EHD2: variants seen among roughly 807,000 people sequenced by gnomAD.
The protein encoded by EHD2 is EH domain-containing protein 2.
In EHD2, 27 loss-of-function variants were observed where a neutral mutation model predicts 41.0. The ratio of observed to expected loss-of-function variants is 0.66; its 90% CI spans 0.49 to 0.91. The LOEUF (loss-of-function observed/expected upper bound fraction) is 0.91, where lower values mean the gene tolerates loss of function less well. Ranked by LOEUF, EHD2 falls within the 40% of genes least tolerant of loss-of-function variation. The pLI, the probability that EHD2 is intolerant of heterozygous loss-of-function variation, is 0.00. For synonymous variants in EHD2, 342 were observed against 341.0 expected, an observed-to-expected ratio of 1.00 and a Z score of -0.03; for missense variants, 673 against 773.9, an observed-to-expected ratio of 0.87 and a Z score of 1.55.
At chr19:47,730,293 C>T (rs1973795111) in intron 4 of EHD2, among the ~76,000 whole-genome samples, 1 of 152,016 alleles carries the variant, frequency 6.6e-6, no homozygotes, top group Non-Finnish European at 1.5e-5. Context: ...TGCCCCCTGG[C>T]TCCATTGGCC....
rs190437310 is a variant in EHD2 at position 47,740,469 on chromosome 19, G to C, written c.1081-412G>C. On this transcript the variant is annotated intron_variant, in intron 5 of 5. Transcript: ENST00000263277. The stretch of plus-strand genomic sequence containing the variant: ...AACAAAACAAAACAAAACAAAAATG[G>C]CTGGGCGCGGTGGCTCATGCCTGTA... Among the ~76,000 whole-genome samples the C allele has an allele frequency of 1.8e-4, 28 of 152,182 alleles. No homozygotes were observed. In the East Asian group the frequency reaches 4.3e-3, roughly 23 times the overall value.
rs1432393876 is a variant in EHD2, at chr19:47,726,148, G to T, written c.839G>T (p.Arg280Leu). The T allele has an allele frequency of 6.3e-7, 1 of 1,583,184 alleles. No homozygotes were observed. Among genetic ancestry groups the T allele is most frequent in the Non-Finnish European group, 8.6e-7 (1 of 1,165,890 alleles). ...GAGCTGGAGGAGCAGGACCTCTTCCGCGACATCCAGGGCCTGCCCCGGCAC... is the reference window on the plus strand; with the variant it reads ...GAGCTGGAGGAGCAGGACCTCTTCCTCGACATCCAGGGCCTGCCCCGGCAC... The part of the protein sequence containing the change: ...LFELEEQDLF[R>L]DIQGLPRHAA... Residue 280 changes from arginine to leucine, a missense_variant, in exon 4 of 6, where the codon CGC becomes CTC. Arg to Leu is a moderately radical substitution (Grantham distance 102). Transcript: ENST00000263277.
At position 47,716,752 on chromosome 19, in the gene EHD2, C is replaced by T. The variant is rs763612750; in HGVS notation, c.140C>T (p.Ser47Leu). 8 of 1,613,326 alleles carry T rather than the reference C, an allele frequency of 5.0e-6. No individual in the cohort carries two copies. The highest frequency in any genetic ancestry group is 2.2e-5 in the South Asian group (2 of 91,034). The stretch of plus-strand genomic sequence containing the variant: ...CACTACCGCTTTGGGGCCTTCCACT[C>T]GCCGGCCCTGGAGGACGCAGACTTC... The part of the protein sequence containing the change: ...EEHYRFGAFH[S>L]PALEDADFDG... The change falls in exon 2 of 6, where the codon TCG (serine) becomes TTG (leucine). Residue 47 changes from serine (S) to leucine (L), a missense_variant. Coordinates refer to ENST00000263277, the MANE Select transcript of EHD2 (RefSeq NM_014601.4).
chr19:47,716,489 C>G (rs1973625838), intron 1 of EHD2, 69 bp from the exon 2 acceptor site: 2 of 1,128,580 alleles, frequency 1.8e-6, no homozygotes, highest in Non-Finnish European at 2.4e-6. Flanking sequence ...CCCAGACAGT[C>G]TACACTCAGA....
chr19:47,729,941 T>A (rs1049128657), intron 4 of EHD2, among the ~76,000 whole-genome samples: 1 of 151,986 alleles, frequency 6.6e-6, no homozygotes, highest in Non-Finnish European at 1.5e-5. Context: ...TGCCTCCTCC[T>A]GTCTCTCCAT....
intron 4 of EHD2, chr19:47,731,279 A>AAAAATATATATATATGTATATATATATAT: frequency 1.6e-5 from 1 of 60,928 alleles, no homozygotes; most frequent in Non-Finnish European, 3.7e-5. Context: ...AAAAAAAAAA[A>AAAAATATATATATATGTATATATATATAT]ATATATATAT....
In EHD2 at chr19:47,741,318, C is replaced by T. The variant is rs111452024; in HGVS notation, c.1518C>T (p.Phe506=). 72 of 1,613,282 alleles carry T rather than the reference C, an allele frequency of 4.5e-5. No homozygotes were observed. The highest frequency in any genetic ancestry group is 6.7e-5 in the Admixed American group (4 of 59,992). ...ACGGCATGCTGGATGATGAGGAGTT[C>T]GCGCTGGCCAGCCACCTCATCGAGG... ...DRDGMLDDEE[F]ALASHLIEAK... Residue 506 remains phenylalanine (F), a synonymous_variant, in exon 6 of 6, where the codon TTC becomes TTT. Coordinates refer to ENST00000263277, the MANE Select transcript of EHD2 (RefSeq NM_014601.4). This position sits in a 1 kb window ranked among gnomAD's most constrained non-coding sequence, Gnocchi z 4.5.
At chr19:47,733,557 C>T (rs1021139040) in intron 4 of EHD2, among the ~76,000 whole-genome samples, 8 of 151,078 alleles carry the variant, frequency 5.3e-5, no homozygotes, top group Non-Finnish European at 1.2e-4. Context: ...GTCCCAGCTA[C>T]TTGGGAGGCT....
intron 4 of EHD2, among the ~76,000 whole-genome samples, chr19:47,734,775 G>A (rs1358362424): frequency 2.0e-5 from 3 of 151,726 alleles, no homozygotes; most frequent in East Asian, 3.9e-4. Context: ...TTCTAGAGCC[G>A]GACGGGGTGG....
At position 47,716,672 on chromosome 19, in the gene EHD2, G is replaced by A. The variant is rs61746407; in HGVS notation, c.60G>A (p.Thr20=). Residue 20 remains threonine (T), a synonymous_variant, in exon 2 of 6, where the codon ACG becomes ACA. Coordinates refer to ENST00000263277, the MANE Select transcript of EHD2 (RefSeq NM_014601.4). Reference sequence around the variant, plus strand: ...GCCAGCAGCCCGAGGCCATCCGCACGGTGACCTCGGCCCTCAAGGAGCTGT... The same window carrying A: ...GCCAGCAGCCCGAGGCCATCCGCACAGTGACCTCGGCCCTCAAGGAGCTGT... ...ARGQQPEAIR[T]VTSALKELYR... The A allele has an allele frequency of 0.038, 60,292 of 1,601,146 alleles. 1,329 individuals are homozygous for A. The highest frequency in any genetic ancestry group is 0.044 in the Non-Finnish European group (51,927 of 1,173,626).
In EHD2 at chr19:47,742,135, C is replaced by T. The variant is rs1966997291; in HGVS notation, c.*703C>T. ...CCCACACCCATTTATTTCCTTCCTTCCTTCCTTCTTTTCTTTCCTTCCTTC... is the reference window on the plus strand; with the variant it reads ...CCCACACCCATTTATTTCCTTCCTTTCTTCCTTCTTTTCTTTCCTTCCTTC... On this transcript the variant is annotated 3_prime_UTR_variant, in exon 6 of 6. Coordinates refer to ENST00000263277, the MANE Select transcript of EHD2 (RefSeq NM_014601.4). 9.2e-6 allele frequency: 3 copies of T among 327,652 alleles called. No homozygotes were observed. The highest frequency in any genetic ancestry group is 2.7e-5 in the African/African-American group (1 of 36,576). 20.3% of individuals were successfully genotyped at this position (327,652 alleles called of 1,614,324 possible). A position where few individuals can be genotyped will look rare whatever the true frequency, so the allele number is the denominator to read the frequency against.
chr19:47,725,771 T>C (rs2123645324), intron 3 of EHD2, 41 bp from the exon 4 acceptor site: 1 of 1,545,644 alleles, frequency 6.5e-7, no homozygotes. Flanking sequence ...GGGGGTCTGA[T>C]TTCTGCCCCT....
chr19:47,722,396 A>G (rs977860677), intron 3 of EHD2, among the ~76,000 whole-genome samples: 1 of 152,082 alleles, frequency 6.6e-6, no homozygotes, highest in Non-Finnish European at 1.5e-5. Flanking sequence ...TCCTCCCCCA[A>G]AACAACGGCC....
Position 47,718,604 on chromosome 19 carries a change from G to C in EHD2, c.500G>C (p.Arg167Pro), listed in dbSNP as rs1169741236. The C allele has an allele frequency of 1.3e-6, 2 of 1,560,610 alleles. No homozygotes were observed. The highest frequency in any genetic ancestry group is 1.7e-6 in the Non-Finnish European group (2 of 1,151,672). ...TCGGGTGCCAAGCAGAGAGTGAGCC[G>C]CGGTGAGTGGGGCCAGACCCTGGGG... ...ILSGAKQRVS[R>P]GYDFPAVLRW... Residue 167 changes from arginine (R) to proline (P), a missense_variant and splice_region_variant, in exon 3 of 6, where the codon CGC becomes CCC. Arg to Pro is a moderately radical substitution (Grantham distance 103). Coordinates refer to ENST00000263277, the MANE Select transcript of EHD2 (RefSeq NM_014601.4).
rs1348219884 is a variant in EHD2, at chr19:47,726,319, GGTTA to G, written c.915+103_915+106del. 2.9e-6 allele frequency: 4 copies of G among 1,391,528 alleles called. No individual in the cohort carries two copies. In the African/African-American group the frequency reaches 4.4e-5, roughly 15 times the overall value. 86.2% of individuals were successfully genotyped at this position (1,391,528 alleles called of 1,614,324 possible). On this transcript the variant is annotated intron_variant, in intron 4 of 5. Coordinates refer to ENST00000263277, the MANE Select transcript of EHD2 (RefSeq NM_014601.4). ...TGAGTCCCTGACTTATCAGGGCCCAGGTTAGTTAGTTCTCTTGAAGTTGGGTCAT... is the reference window on the plus strand; with the variant it reads ...TGAGTCCCTGACTTATCAGGGCCCAGGTTAGTTCTCTTGAAGTTGGGTCAT...
At chr19:47,724,899 C>G (rs1408350408) in intron 3 of EHD2, among the ~76,000 whole-genome samples, 1 of 132,620 alleles carries the variant, frequency 7.5e-6, no homozygotes, top group Non-Finnish European at 1.6e-5. Context: ...TTGCTTGAAC[C>G]TGGGAGGTGG....
In EHD2 at chr19:47,740,883, G is replaced by A. The variant is rs767546723; in HGVS notation, c.1083G>A (p.Glu361=). The change falls in exon 6 of 6, where the codon GAG becomes GAA. Residue 361 remains glutamate, a splice_region_variant and synonymous_variant. Coordinates refer to ENST00000263277, the MANE Select transcript of EHD2 (RefSeq NM_014601.4). ...GDFPDCQKMQ[E]LLMAHDFTKF... Reference sequence around the variant, plus strand: ...GGTGCCCCTGTCCCCCACCACAGGAGCTGCTGATGGCGCACGACTTCACCA... The same window carrying A: ...GGTGCCCCTGTCCCCCACCACAGGAACTGCTGATGGCGCACGACTTCACCA... The A allele has an allele frequency of 6.8e-6, 11 of 1,612,758 alleles. No homozygotes were observed. The South Asian group carries it at 1.2e-4, about 18-fold the overall frequency.
At chr19:47,722,559 A>G (rs1437352473) in intron 3 of EHD2, among the ~76,000 whole-genome samples, 1 of 144,120 alleles carries the variant, frequency 6.9e-6, no homozygotes, top group Non-Finnish European at 1.5e-5. Flanking sequence ...AAGTCCCCTA[A>G]CTTCTCTCTC....
chr19:47,716,415 CTGTGACCACATATT>C (rs67691145), intron 1 of EHD2, 129 bp from the exon 2 acceptor site: 11,177 of 548,726 alleles, frequency 0.02, 197 homozygotes, highest in African/African-American at 0.073. Flanking sequence ...CATCCATGCT[CTGTGACCACATATT>C]TGTGACCACA....
Sources: allele counts gnomAD v4.1 joint callset (sites outside exome capture counted in the v4.1 genomes callset), GRCh38; gene constraint gnomAD v4.1.1; non-coding constraint Gnocchi (gnomAD v3.1); transcripts MANE v1.5; gene names NCBI Gene and HGNC (gene_info 2026-07-23, HGNC 2026-07-21).